DYNC2H1: variants seen among roughly 807,000 people sequenced by gnomAD.
The protein encoded by DYNC2H1 is cytoplasmic dynein 2 heavy chain 1.
A neutral mutation model predicts 570.0 loss-of-function variants in DYNC2H1; 410 were observed. That is an observed-to-expected ratio of 0.72 (90% confidence interval 0.66 to 0.78). The LOEUF (loss-of-function observed/expected upper bound fraction) is 0.78, where lower values mean the gene tolerates loss of function less well. Among genes scored for constraint, DYNC2H1 ranks in the 30% least tolerant of loss-of-function variants. DYNC2H1 has a pLI of 0.00. For synonymous variants in DYNC2H1, 1,688 were observed against 1,677.6 expected, an observed-to-expected ratio of 1.01 and a Z score of -0.15; for missense variants, 4,865 against 5,046.4, an observed-to-expected ratio of 0.96 and a Z score of 1.09.
At chr11:103,233,150 A>G (rs2135189940) in intron 60 of DYNC2H1, among the ~76,000 whole-genome samples, 1 of 152,020 alleles carries the variant, frequency 6.6e-6, no homozygotes, top group East Asian at 1.9e-4. Flanking sequence ...ACTTAATGCC[A>G]GTCACATCTG....
chr11:103,450,579 A>AAT (rs1196252720), intron 85 of DYNC2H1, among the ~76,000 whole-genome samples: 2 of 152,254 alleles, frequency 1.3e-5, no homozygotes, highest in Non-Finnish European at 2.9e-5. Context: ...AATACTTGTA[A>AAT]ATAACCCATG....
rs1388875569 is a variant in DYNC2H1, at chr11:103,129,272, C to A, written c.1953+267C>A. On this transcript the variant is annotated intron_variant, in intron 13 of 88. Coordinates refer to ENST00000375735, the MANE Select transcript of DYNC2H1 (RefSeq NM_001377.3). The surrounding 1 kb of genome is among the most constrained non-coding windows in gnomAD (Gnocchi z 4.1). ...TTTGTATGATGTTATGTTCATTTAT[C>A]CTCTGAAGTTTGAGGTCCTTATACA... Among the ~76,000 whole-genome samples the A allele has an allele frequency of 6.6e-6, 1 of 152,124 alleles. No individual in the cohort carries two copies. Among genetic ancestry groups the A allele is most frequent in the African/African-American group, 2.4e-5 (1 of 41,436 alleles).
chr11:103,298,852 G>T (rs1866941937), intron 75 of DYNC2H1, among the ~76,000 whole-genome samples: 1 of 152,096 alleles, frequency 6.6e-6, no homozygotes, highest in Non-Finnish European at 1.5e-5. Flanking sequence ...TTAAAAAGAT[G>T]TATTTATGAA....
intron 83 of DYNC2H1, among the ~76,000 whole-genome samples, chr11:103,382,019 A>G (rs1413182276): frequency 2.0e-5 from 3 of 152,224 alleles, no homozygotes; most frequent in Non-Finnish European, 4.4e-5. Context: ...TAACACCCAA[A>G]GAATCTAATC....
At chr11:103,304,311 T>C (rs1247826973) in intron 76 of DYNC2H1, among the ~76,000 whole-genome samples, 1 of 152,160 alleles carries the variant, frequency 6.6e-6, no homozygotes, top group Non-Finnish European at 1.5e-5. Context: ...GATTAGTTTA[T>C]ACATTAGGTC....
intron 84 of DYNC2H1, among the ~76,000 whole-genome samples, chr11:103,401,650 C>G (rs544011453): frequency 6.6e-6 from 1 of 152,122 alleles, no homozygotes; most frequent in Admixed American, 6.6e-5. Context: ...CATCTCTAAA[C>G]TTCGCTTTTC....
In DYNC2H1 at chr11:103,185,846, A is replaced by G. The variant is rs80129118; in HGVS notation, c.6634-396A>G. ...TAGATAACAGTTTTCAGTATTAAAA[A>G]GAAGAATAACAGGTGGAGAGCAGTG... On this transcript the variant is annotated intron_variant, in intron 41 of 88. Coordinates refer to ENST00000375735, the MANE Select transcript of DYNC2H1 (RefSeq NM_001377.3). This position sits in a 1 kb window ranked among gnomAD's most constrained non-coding sequence, Gnocchi z 4.5. 0.012 allele frequency among the ~76,000 whole-genome samples: 1,821 copies of G among 152,142 alleles called. 37 individuals are homozygous for G. Among genetic ancestry groups the G allele is most frequent in the African/African-American group, 0.041 (1,687 of 41,552 alleles).
At position 103,241,992 on chromosome 11, in the gene DYNC2H1, CT is replaced by C. The variant is rs765475044; in HGVS notation, c.9820-1700del. ...AGGGCAGATAATTCCCACTATCTCC[CT>C]CCCTCTTGGTGTGCCACTGAGATAA... On this transcript the variant is annotated intron_variant, in intron 63 of 88. Transcript: ENST00000375735. This position sits in a 1 kb window ranked among gnomAD's most constrained non-coding sequence, Gnocchi z 5.1. Among the ~76,000 whole-genome samples the C allele has an allele frequency of 9.2e-5, 14 of 151,996 alleles. No individual in the cohort carries two copies. The highest frequency in any genetic ancestry group is 1.8e-4 in the Non-Finnish European group (12 of 68,008).
intron 52 of DYNC2H1, among the ~76,000 whole-genome samples, chr11:103,206,665 G>A (rs1424650961): frequency 6.6e-6 from 1 of 152,076 alleles, no homozygotes; most frequent in Non-Finnish European, 1.5e-5. Context: ...AAAGAAGATA[G>A]CATGTCAAAG....
chr11:103,227,021 T>C (rs1863827700), intron 59 of DYNC2H1, among the ~76,000 whole-genome samples: 1 of 152,276 alleles, frequency 6.6e-6, no homozygotes, highest in South Asian at 2.1e-4. Flanking sequence ...ATTTCTGTGG[T>C]GTCAGTTGTA....
At chr11:103,231,157 T>C in intron 59 of DYNC2H1, 103 bp from the exon 60 acceptor site, 1 of 592,124 alleles carries the variant, frequency 1.7e-6, no homozygotes, top group Non-Finnish European at 2.8e-6. Flanking sequence ...ACTGAGTTAC[T>C]GACAGTTTTA....
chr11:103,474,366 C>T (rs924157498), intron 88 of DYNC2H1, among the ~76,000 whole-genome samples: 5 of 152,168 alleles, frequency 3.3e-5, no homozygotes, highest in Non-Finnish European at 7.4e-5. Flanking sequence ...TATAAACATT[C>T]AGAAAGCATG....
chr11:103,255,559 C>T, intron 67 of DYNC2H1, 25 bp downstream of exon 67: 2 of 1,500,320 alleles, frequency 1.3e-6, no homozygotes, highest in African/African-American at 1.4e-5. Context: ...ATTTAGGTTA[C>T]TTTTTTCGTA....
At chr11:103,149,762 G>A (rs185461837) in intron 20 of DYNC2H1, among the ~76,000 whole-genome samples, 57 of 152,048 alleles carry the variant, frequency 3.7e-4, no homozygotes, top group Middle Eastern at 3.4e-3. Context: ...GAACATACAC[G>A]TGTGTGCGTG....
intron 53 of DYNC2H1, among the ~76,000 whole-genome samples, chr11:103,211,524 T>G (rs1863153469): frequency 6.6e-6 from 1 of 152,038 alleles, no homozygotes; most frequent in South Asian, 2.1e-4. Context: ...TTATTTTTCT[T>G]GCAACAATAA....
chr11:103,351,723 G>A (rs1401735701), intron 82 of DYNC2H1, among the ~76,000 whole-genome samples: 2 of 152,066 alleles, frequency 1.3e-5, no homozygotes, highest in Non-Finnish European at 2.9e-5. Context: ...TCAGGAGTAA[G>A]ACTGGTCTTT....
chr11:103,124,464 A>T (rs1255771050), intron 11 of DYNC2H1, among the ~76,000 whole-genome samples: 2 of 151,474 alleles, frequency 1.3e-5, no homozygotes, highest in Non-Finnish European at 2.9e-5. Context: ...AAAAAAAAAA[A>T]AAAAGCAGCA....
chr11:103,208,302 A>T (rs936571766), intron 52 of DYNC2H1, among the ~76,000 whole-genome samples: 4 of 152,048 alleles, frequency 2.6e-5, no homozygotes, highest in African/African-American at 9.7e-5. Context: ...CCAAGAGCTA[A>T]AATTATTTGT....
rs1235659678 is a variant in DYNC2H1, at chr11:103,205,319, G to C, written c.8454+355G>C. On this transcript the variant is annotated intron_variant, in intron 52 of 88. Coordinates refer to ENST00000375735, the MANE Select transcript of DYNC2H1 (RefSeq NM_001377.3). This position sits in a 1 kb window ranked among gnomAD's most constrained non-coding sequence, Gnocchi z 4.5. ...CCTTAAAAAATATCATCACTATGCT[G>C]TGTGTTTGGAGGGGGATGAGTTAAA... Among the ~76,000 whole-genome samples the C allele has an allele frequency of 6.6e-6, 1 of 152,150 alleles. No individual in the cohort carries two copies. The highest frequency in any genetic ancestry group is 2.4e-5 in the African/African-American group (1 of 41,440).
Sources: gnomAD v4.1 joint callset for allele counts (sites outside exome capture counted in the v4.1 genomes callset) on GRCh38, gnomAD v4.1.1 for gene constraint, Gnocchi (gnomAD v3.1) non-coding constraint, MANE v1.5 for transcripts, NCBI Gene and HGNC (gene_info 2026-07-23, HGNC 2026-07-21) for gene names.